Variants in KCTD16 observed in about 807,000 individuals in gnomAD.
KCTD16 encodes potassium channel tetramerization domain containing 16.
KCTD16 carries 13 observed loss-of-function variants against 33.2 expected under a neutral mutation model. That is an observed-to-expected ratio of 0.39 (90% CI 0.25 to 0.62). KCTD16 has a LOEUF of 0.62. KCTD16 is among the 20% of genes least tolerant of loss of function. The pLI is 0.50. For synonymous variants in KCTD16, 197 were observed against 195.3 expected (o/e 1.01, Z -0.07); for missense variants, 441 against 525.1 (o/e 0.84, Z 1.57).
chr5:144,235,961 T>C (rs768579777), intron 3 of KCTD16, among the ~76,000 whole-genome samples: 2 of 152,098 alleles, frequency 1.3e-5, no homozygotes, highest in Admixed American at 6.6e-5. Flanking sequence ...CTGACTATGA[T>C]AGTGTTTATA....
At chr5:144,219,455 C>G (rs543963376) in intron 3 of KCTD16, among the ~76,000 whole-genome samples, 3 of 149,276 alleles carry the variant, frequency 2.0e-5, no homozygotes, top group African/African-American at 7.4e-5. Context: ...CTCAGGTGAT[C>G]TGCCCGCCTC....
intron 3 of KCTD16, among the ~76,000 whole-genome samples, chr5:144,281,497 A>G (rs1014238781): frequency 2.0e-5 from 3 of 151,998 alleles, no homozygotes; most frequent in Non-Finnish European, 4.4e-5. Flanking sequence ...ATATTTGGGG[A>G]TATTTCAGAT....
At chr5:144,422,057 T>C (rs1753224528) in intron 3 of KCTD16, among the ~76,000 whole-genome samples, 1 of 152,162 alleles carries the variant, frequency 6.6e-6, no homozygotes, top group South Asian at 2.1e-4. Context: ...CTCATCTACT[T>C]ATCACATACT....
chr5:144,280,192 G>C (rs149399859), intron 3 of KCTD16, among the ~76,000 whole-genome samples: 2,445 of 152,150 alleles, frequency 0.016, 33 homozygotes, highest in Non-Finnish European at 0.022. Context: ...AAAATGAGCT[G>C]AGTAGTATTC....
intron 3 of KCTD16, among the ~76,000 whole-genome samples, chr5:144,430,301 G>T (rs1198805194): frequency 1.3e-5 from 2 of 152,088 alleles, no homozygotes; most frequent in Non-Finnish European, 2.9e-5. Flanking sequence ...AATGGGAATT[G>T]CTGTCAAATC....
intron 3 of KCTD16, among the ~76,000 whole-genome samples, chr5:144,329,916 A>C (rs139301542): frequency 2.6e-5 from 4 of 152,322 alleles, no homozygotes; most frequent in Admixed American, 2.6e-4. Flanking sequence ...TGAAATTCTC[A>C]TAGGTGGTTT....
chr5:144,317,966 G>A (rs1751967591), intron 3 of KCTD16, among the ~76,000 whole-genome samples: 1 of 152,160 alleles, frequency 6.6e-6, no homozygotes, highest in South Asian at 2.1e-4. Flanking sequence ...AATAATAATG[G>A]TAACAAATAT....
chr5:144,173,564 C>T (rs749887514), intron 1 of KCTD16, among the ~76,000 whole-genome samples: 5 of 152,056 alleles, frequency 3.3e-5, no homozygotes, highest in Non-Finnish European at 5.9e-5. Flanking sequence ...TACAACAAAC[C>T]CCCATGATAC....
intron 3 of KCTD16, among the ~76,000 whole-genome samples, chr5:144,410,846 G>T (rs901582856): frequency 6.6e-6 from 1 of 152,122 alleles, no homozygotes; most frequent in Non-Finnish European, 1.5e-5. Flanking sequence ...TTGATACTTT[G>T]TTCTTAAGGC....
chr5:144,321,148 C>T (rs1041604251), intron 3 of KCTD16, among the ~76,000 whole-genome samples: 2 of 152,206 alleles, frequency 1.3e-5, no homozygotes, highest in Non-Finnish European at 2.9e-5. Flanking sequence ...AGCCACCATG[C>T]CCAGCTGTAA....
chr5:144,449,288 G>T (rs1449085836), intron 3 of KCTD16, among the ~76,000 whole-genome samples: 2 of 151,946 alleles, frequency 1.3e-5, no homozygotes, highest in East Asian at 3.9e-4. Context: ...AGTGTTCATG[G>T]ATTGGAAGAC....
chr5:144,395,130 C>A (rs981088805), intron 3 of KCTD16, among the ~76,000 whole-genome samples: 1 of 152,050 alleles, frequency 6.6e-6, no homozygotes, highest in African/African-American at 2.4e-5. Flanking sequence ...TTTTAGAAGC[C>A]CTCCATGTGA....
intron 3 of KCTD16, among the ~76,000 whole-genome samples, chr5:144,288,865 G>A (rs1434517197): frequency 6.6e-6 from 1 of 152,114 alleles, no homozygotes; most frequent in African/African-American, 2.4e-5. Flanking sequence ...TCCGGAGGCT[G>A]CCTGTAATCC....
chr5:144,298,551 C>T (rs748301869), intron 3 of KCTD16, among the ~76,000 whole-genome samples: 50 of 152,040 alleles, frequency 3.3e-4, no homozygotes, highest in Admixed American at 2.7e-3. Flanking sequence ...GTAAGTGAAG[C>T]GCTTAGTACT....
intron 3 of KCTD16, among the ~76,000 whole-genome samples, chr5:144,213,677 T>C (rs1422917864): frequency 1.3e-5 from 2 of 152,184 alleles, no homozygotes; most frequent in Admixed American, 1.3e-4. Flanking sequence ...ACAATTTGCA[T>C]TGGAGGATTG....
intron 3 of KCTD16, among the ~76,000 whole-genome samples, chr5:144,433,958 G>A (rs552036855): frequency 6.6e-6 from 1 of 152,214 alleles, no homozygotes; most frequent in African/African-American, 2.4e-5. Flanking sequence ...TGATTATGCT[G>A]GCCCAGAAAG....
chr5:144,180,250 A>C (rs1752593752), intron 2 of KCTD16, among the ~76,000 whole-genome samples: 2 of 152,230 alleles, frequency 1.3e-5, no homozygotes. Context: ...GCATTAGTGC[A>C]CATGGGATTA....
rs151207685 is a variant in KCTD16, at chr5:144,356,222, C to A, written c.833-117438C>A. On this transcript the variant is annotated intron_variant, in intron 3 of 3. Transcript: ENST00000512467. ...CACTGTCCATATTTTAGCTTTTATA[C>A]CTTTATGTCTCATATGAGAAGTTCG... Among the ~76,000 whole-genome samples the A allele has an allele frequency of 3.0e-4, 45 of 152,158 alleles. No homozygotes were observed. The East Asian group carries it at 8.5e-3, about 29-fold the overall frequency.
chr5:144,314,933 A>C (rs1751866080), intron 3 of KCTD16, among the ~76,000 whole-genome samples: 1 of 152,166 alleles, frequency 6.6e-6, no homozygotes, highest in African/African-American at 2.4e-5. Flanking sequence ...TGTCCTGCTG[A>C]AGCTTCAGTA....
Sources: gnomAD v4.1 joint callset for allele counts (sites outside exome capture counted in the v4.1 genomes callset) on GRCh38, gnomAD v4.1.1 for gene constraint, MANE v1.5 for transcripts, NCBI Gene and HGNC (gene_info 2026-07-23, HGNC 2026-07-21) for gene names.